COL11A1: variants seen among roughly 807,000 people sequenced by gnomAD.
COL11A1 encodes collagen alpha-1(XI) chain.
A neutral mutation model predicts 265.2 loss-of-function variants in COL11A1; 74 were observed. That is an observed-to-expected ratio of 0.28 (90% CI 0.23 to 0.34). The LOEUF is 0.34. Among genes scored for constraint, COL11A1 ranks in the 10% least tolerant of loss-of-function variants. The pLI is 1.00. For missense variants in COL11A1, 2,165 were observed against 2,263.6 expected (o/e 0.96, Z 0.88); for synonymous variants, 816 against 727.6 (o/e 1.12, Z -1.96).
rs183411880 is a variant in COL11A1 at position 103,015,170 on chromosome 1, G to A, written c.1488+498C>T. Among the ~76,000 whole-genome samples the A allele has an allele frequency of 2.6e-3, 396 of 151,882 alleles. 5 individuals carry two copies. Among genetic ancestry groups the A allele is most frequent in the African/African-American group, 9.2e-3 (381 of 41,462 alleles). ...TTTTCATTCTAAGTAATTATTTCTT[G>A]AAACTTTGTTCATTACATTGAAATT... is the stretch of plus-strand genomic sequence containing the variant. On this transcript the variant is annotated intron_variant, in intron 12 of 66. Coordinates refer to ENST00000370096, the MANE Select transcript of COL11A1 (RefSeq NM_001854.4).
At position 103,046,720 on chromosome 1, in the gene COL11A1, A is replaced by G. The variant is rs1000187691; in HGVS notation, c.652-15476T>C. Among the ~76,000 whole-genome samples, 4 of 151,326 alleles carry G rather than the reference A, an allele frequency of 2.6e-5. No homozygotes were observed. The South Asian group carries it at 8.4e-4, about 32-fold the overall frequency. On this transcript the variant is annotated intron_variant, in intron 4 of 66. Transcript: ENST00000370096. Reference sequence around the variant, plus strand: ...AATGGTAATGCCTAGGTTTTCTTCTAGGGTTTTTATGGTTTTAGGTCTAAC... The same window carrying G: ...AATGGTAATGCCTAGGTTTTCTTCTGGGGTTTTTATGGTTTTAGGTCTAAC...
intron 4 of COL11A1, among the ~76,000 whole-genome samples, chr1:103,073,057 G>A (rs888805531): frequency 7.2e-5 from 11 of 151,730 alleles, no homozygotes; most frequent in East Asian, 1.9e-4. Context: ...TCTAGGATGC[G>A]AAGTAGCTTA....
intron 35 of COL11A1, among the ~76,000 whole-genome samples, 190 bp from the exon 36 acceptor site, chr1:102,975,073 A>C (rs1225545390): frequency 6.6e-6 from 1 of 152,174 alleles, no homozygotes; most frequent in Non-Finnish European, 1.5e-5. Context: ...TTTTCACACT[A>C]TTTCTACTCA....
chr1:103,014,254 T>C (rs1666371132), intron 13 of COL11A1, among the ~76,000 whole-genome samples: 1 of 152,090 alleles, frequency 6.6e-6, no homozygotes. Flanking sequence ...AATAGAAATC[T>C]TGCGTGTTAT....
chr1:102,993,733 C>G (rs1664352427), intron 28 of COL11A1, among the ~76,000 whole-genome samples: 2 of 152,128 alleles, frequency 1.3e-5, no homozygotes, highest in Non-Finnish European at 2.9e-5. Context: ...GAGATGACGT[C>G]TCACTACTTT....
At chr1:102,995,606 TAA>T (rs202223220) in intron 28 of COL11A1, among the ~76,000 whole-genome samples, 17 of 143,230 alleles carry the variant, frequency 1.2e-4, no homozygotes, top group East Asian at 2.0e-4. Context: ...TAAGCACATG[TAA>T]AAAAAAAAAA....
intron 46 of COL11A1, among the ~76,000 whole-genome samples, chr1:102,927,536 G>A (rs563384900): frequency 6.6e-6 from 1 of 152,176 alleles, no homozygotes; most frequent in African/African-American, 2.4e-5. Context: ...CTAACACGGT[G>A]AAACCCCGTC....
At chr1:103,017,134 C>T (rs543831533) in intron 11 of COL11A1, among the ~76,000 whole-genome samples, 5 of 152,066 alleles carry the variant, frequency 3.3e-5, no homozygotes, top group South Asian at 4.2e-4. Context: ...TAAAAAGTTT[C>T]ATAATGTTTG....
chr1:102,974,367 G>A (rs1221104056), intron 36 of COL11A1, among the ~76,000 whole-genome samples: 1 of 152,048 alleles, frequency 6.6e-6, no homozygotes, highest in Non-Finnish European at 1.5e-5. Context: ...CTAAAAAGAA[G>A]GGATTATAGA....
At chr1:102,906,946 G>A (rs1278429270) in intron 54 of COL11A1, among the ~76,000 whole-genome samples, 2 of 152,036 alleles carry the variant, frequency 1.3e-5, no homozygotes, top group African/African-American at 4.8e-5. Flanking sequence ...AGATTATTAT[G>A]TAAAACAGAA....
chr1:102,880,058 A>C (rs1246289067), intron 65 of COL11A1, 142 bp from the exon 66 acceptor site: 2 of 645,480 alleles, frequency 3.1e-6, no homozygotes, highest in Non-Finnish European at 2.7e-6. Context: ...AATGAAAAAA[A>C]GTGTACATTG....
intron 57 of COL11A1, among the ~76,000 whole-genome samples, chr1:102,892,385 T>C (rs1014130054): frequency 1.3e-4 from 20 of 152,096 alleles, no homozygotes; most frequent in Admixed American, 4.6e-4. Flanking sequence ...TATATCCTGG[T>C]CCATAATTTT....
At chr1:102,928,570 T>C (rs1029965699) in intron 46 of COL11A1, among the ~76,000 whole-genome samples, 1 of 152,174 alleles carries the variant, frequency 6.6e-6, no homozygotes, top group Non-Finnish European at 1.5e-5. Flanking sequence ...TACGTGTGCA[T>C]GTACAGCAGC....
chr1:102,889,293 G>A (rs1346304565), intron 59 of COL11A1, among the ~76,000 whole-genome samples, 162 bp downstream of exon 59: 1 of 151,464 alleles, frequency 6.6e-6, no homozygotes, highest in Non-Finnish European at 1.5e-5. Context: ...ATTTACTCTA[G>A]GGCTGAATAA....
chr1:102,973,533 A>G (rs1313508486), intron 36 of COL11A1, among the ~76,000 whole-genome samples: 1 of 152,192 alleles, frequency 6.6e-6, no homozygotes, highest in Non-Finnish European at 1.5e-5. Flanking sequence ...ATAATCTAAT[A>G]TACAGCTTAA....
At chr1:103,044,428 T>C (rs1378061927) in intron 4 of COL11A1, among the ~76,000 whole-genome samples, 1 of 152,136 alleles carries the variant, frequency 6.6e-6, no homozygotes, top group East Asian at 1.9e-4. Flanking sequence ...AGCAGTGTCT[T>C]ATATTACTTG....
At chr1:102,994,470 G>A (rs1172774387) in intron 28 of COL11A1, among the ~76,000 whole-genome samples, 1 of 151,976 alleles carries the variant, frequency 6.6e-6, no homozygotes, top group Non-Finnish European at 1.5e-5. Flanking sequence ...TGCCCTCTTT[G>A]CCTTCCACTG....
chr1:102,952,411 A>G (rs1024642238), intron 41 of COL11A1, among the ~76,000 whole-genome samples: 1 of 152,126 alleles, frequency 6.6e-6, no homozygotes, highest in African/African-American at 2.4e-5. Context: ...ACTGTATACT[A>G]TTTTTTATTT....
intron 4 of COL11A1, among the ~76,000 whole-genome samples, chr1:103,060,979 A>G (rs1328049467): frequency 6.6e-6 from 1 of 152,132 alleles, no homozygotes; most frequent in Non-Finnish European, 1.5e-5. Context: ...TGGATCAAAA[A>G]AAAACCAAGG....
Sources: allele counts gnomAD v4.1 joint callset (sites outside exome capture counted in the v4.1 genomes callset), GRCh38; gene constraint gnomAD v4.1.1; transcripts MANE v1.5; gene names NCBI Gene and HGNC (gene_info 2026-07-23, HGNC 2026-07-21).